GPRC6A: variants seen among roughly 807,000 people sequenced by gnomAD.
The protein encoded by GPRC6A is G protein-coupled receptor class C group 6 member A.
GPRC6A carries 54 observed loss-of-function variants against 47.0 expected under a neutral mutation model. The observed-to-expected ratio is 1.15, with a 90% CI of 0.92 to 1.44. GPRC6A has a LOEUF of 1.44. Ranked by LOEUF, GPRC6A falls within the 40% of genes most tolerant of loss-of-function variation. The probability of loss-of-function intolerance (pLI) is 0.00; values close to 1 mark genes in which losing one functional copy is unlikely to be tolerated. For missense variants in GPRC6A, 1,112 were observed against 1,105.5 expected (o/e 1.01, Z -0.08); for synonymous variants, 347 against 377.1 (o/e 0.92, Z 0.93).
chr6:116,828,217 AC>A (rs918727481), intron 1 of GPRC6A, among the ~76,000 whole-genome samples: 18 of 152,200 alleles, frequency 1.2e-4, no homozygotes, highest in African/African-American at 4.3e-4. Context: ...AACACCTTCC[AC>A]CCAGCTTTAC....
rs564276311 is a variant in GPRC6A at position 116,799,551 on chromosome 6, G to T, written c.1548+1033C>A. On this transcript the variant is annotated intron_variant, in intron 4 of 5. Coordinates refer to ENST00000310357, the MANE Select transcript of GPRC6A (RefSeq NM_148963.4). ...GTTAATATTTGGCTTTATTAACTTTGGTGAGCTAGACAGAAACAATTTCGA... is the reference window on the plus strand; with the variant it reads ...GTTAATATTTGGCTTTATTAACTTTTGTGAGCTAGACAGAAACAATTTCGA... Among the ~76,000 whole-genome samples the T allele has an allele frequency of 5.9e-5, 9 of 152,264 alleles. No individual in the cohort carries two copies. In the East Asian group the frequency reaches 1.4e-3, roughly 23 times the overall value.
At position 116,806,616 on chromosome 6, in the gene GPRC6A, G is replaced by A. The variant is rs368308211; in HGVS notation, c.1089C>T (p.Ala363=). ...LLHEYAMHLS[A]CAYVKDTDLS... ...AATCAGTGTCCTTGACATATGCGCA[G>A]GCAGATAAATGCATGGCATATTCAT... The change falls in exon 3 of 6, where the codon GCC becomes GCT. Residue 363 remains alanine (A), a synonymous_variant. Coordinates refer to ENST00000310357, the MANE Select transcript of GPRC6A (RefSeq NM_148963.4). 24 of 1,613,360 alleles carry A rather than the reference G, an allele frequency of 1.5e-5. No individual in the cohort carries two copies. The African/African-American group carries it at 2.9e-4, about 20-fold the overall frequency.
At chr6:116,813,086 C>T (rs1773081431) in intron 1 of GPRC6A, among the ~76,000 whole-genome samples, 1 of 152,214 alleles carries the variant, frequency 6.6e-6, no homozygotes, top group South Asian at 2.1e-4. Context: ...GAACTACAAA[C>T]CACTGCTCAA....
intron 1 of GPRC6A, among the ~76,000 whole-genome samples, chr6:116,816,547 A>G (rs1255806143): frequency 6.6e-6 from 1 of 152,218 alleles, no homozygotes; most frequent in African/African-American, 2.4e-5. Context: ...AGATGGCCGA[A>G]TAGGAACAGC....
intron 1 of GPRC6A, among the ~76,000 whole-genome samples, chr6:116,819,162 C>G (rs1201895095): frequency 6.6e-6 from 1 of 152,042 alleles, no homozygotes. Context: ...AGCTAACTAT[C>G]CTAAATATAT....
intron 1 of GPRC6A, among the ~76,000 whole-genome samples, chr6:116,822,606 C>G (rs1213168233): frequency 1.4e-5 from 2 of 142,072 alleles, no homozygotes; most frequent in South Asian, 2.3e-4. Flanking sequence ...TAAACTATCG[C>G]AAGAACAAAA....
In GPRC6A at chr6:116,826,091, A is replaced by C. The variant is rs1398712596; in HGVS notation, c.194+2729T>G. Among the ~76,000 whole-genome samples, 3 of 151,938 alleles carry C rather than the reference A, an allele frequency of 2.0e-5. No homozygotes were observed. In the East Asian group the frequency reaches 5.8e-4, roughly 29 times the overall value. On this transcript the variant is annotated intron_variant, in intron 1 of 5. Transcript: ENST00000310357. ...TAAGATCCCAAATTACAAAACTATT[A>C]GAGGAAAACATAGGGAAAACACTTA...
intron 5 of GPRC6A, among the ~76,000 whole-genome samples, chr6:116,794,797 A>T (rs1772424946): frequency 6.6e-6 from 1 of 152,222 alleles, no homozygotes; most frequent in Non-Finnish European, 1.5e-5. Flanking sequence ...TAAATGTGAG[A>T]TAATAAAATG....
Position 116,806,384 on chromosome 6 carries a change from AG to A in GPRC6A, c.1320del (p.Gln442AsnfsTer9), listed in dbSNP as rs1240476189. On this transcript the variant is annotated frameshift_variant, in exon 3 of 6. Transcript: ENST00000310357. LOFTEE classifies it high-confidence loss of function. ...CQARDCQNPN[A>X]FQPWELLGVL... ...TGAGTTAGTACCTCCCATGGTTGAA[AG>A]GCGTTGGGGTTCTGACAGTCACGAG... The A allele has an allele frequency of 6.2e-7, 1 of 1,604,510 alleles. No homozygotes were observed. The highest frequency in any genetic ancestry group is 8.5e-7 in the Non-Finnish European group (1 of 1,172,750).
At chr6:116,807,800 A>G (rs376542038) in intron 2 of GPRC6A, among the ~76,000 whole-genome samples, 8 of 152,280 alleles carry the variant, frequency 5.3e-5, no homozygotes, top group African/African-American at 1.9e-4. Context: ...GAGCATGAGA[A>G]CCACATTTGG....
intron 1 of GPRC6A, among the ~76,000 whole-genome samples, chr6:116,812,239 A>G (rs993098243): frequency 9.9e-5 from 15 of 152,232 alleles, no homozygotes; most frequent in African/African-American, 3.6e-4. Flanking sequence ...TGAGGAAAAA[A>G]CCCTGCCAGC....
intron 1 of GPRC6A, among the ~76,000 whole-genome samples, chr6:116,826,885 A>G (rs1286201077): frequency 6.6e-6 from 1 of 151,968 alleles, no homozygotes; most frequent in Non-Finnish European, 1.5e-5. Context: ...GAATAAAATC[A>G]TATCATTTGC....
At chr6:116,820,395 G>T (rs1248637039) in intron 1 of GPRC6A, among the ~76,000 whole-genome samples, 1 of 151,984 alleles carries the variant, frequency 6.6e-6, no homozygotes, top group Non-Finnish European at 1.5e-5. Context: ...GCTGGGCAGA[G>T]ACACAACCAA....
chr6:116,794,286 G>A (rs936945580), intron 5 of GPRC6A, among the ~76,000 whole-genome samples: 15 of 152,164 alleles, frequency 9.9e-5, no homozygotes, highest in Admixed American at 2.0e-4. Flanking sequence ...TCCTCTTTCC[G>A]AACTCTATTC....
Position 116,793,155 on chromosome 6 carries a change from T to A in GPRC6A, c.1768A>T (p.Asn590Tyr). 4 of 1,613,604 alleles carry A rather than the reference T, an allele frequency of 2.5e-6. No homozygotes were observed. The highest frequency in any genetic ancestry group is 3.4e-6 in the Non-Finnish European group (4 of 1,179,616). The change falls in exon 6 of 6, where the codon AAT becomes TAT. Residue 590 changes from asparagine (N) to tyrosine (Y), a missense_variant. Asn to Tyr is a moderately radical substitution (Grantham distance 143). Transcript: ENST00000310357. ...AGGAGTAGGATGGCCAAGGAGTCATTCCAGTTGAGATATTCCACTTCCTTT... is the reference window on the plus strand; with the variant it reads ...AGGAGTAGGATGGCCAAGGAGTCATACCAGTTGAGATATTCCACTTCCTTT... ...FEKEVEYLNW[N>Y]DSLAILLLIL...
At chr6:116,802,342 C>G (rs529539486) in intron 3 of GPRC6A, among the ~76,000 whole-genome samples, 1 of 152,014 alleles carries the variant, frequency 6.6e-6, no homozygotes, top group Non-Finnish European at 1.5e-5. Flanking sequence ...TTTTTCATAT[C>G]ATTTAAAAAA....
intron 2 of GPRC6A, among the ~76,000 whole-genome samples, 167 bp from the exon 3 acceptor site, chr6:116,807,373 T>C (rs1562482421): frequency 6.6e-6 from 1 of 152,222 alleles, no homozygotes; most frequent in Non-Finnish European, 1.5e-5. Context: ...TTTAGAATCA[T>C]GGCTTTCTAA....
intron 1 of GPRC6A, among the ~76,000 whole-genome samples, chr6:116,816,092 T>G (rs1407692021): frequency 6.6e-6 from 1 of 152,194 alleles, no homozygotes; most frequent in Non-Finnish European, 1.5e-5. Context: ...ATTCCATCCC[T>G]GGCTCCCTCC....
chr6:116,812,327 A>G (rs1397080199), intron 1 of GPRC6A, among the ~76,000 whole-genome samples: 1 of 152,142 alleles, frequency 6.6e-6, no homozygotes, highest in Non-Finnish European at 1.5e-5. Flanking sequence ...GCAAAAGCGG[A>G]GGGAATTCAG....
Sources: gnomAD v4.1 joint callset for allele counts (sites outside exome capture counted in the v4.1 genomes callset) on GRCh38, gnomAD v4.1.1 for gene constraint, MANE v1.5 for transcripts, NCBI Gene and HGNC (gene_info 2026-07-23, HGNC 2026-07-21) for gene names.